Variants in SPNS3 observed in about 807,000 individuals in gnomAD.
The protein encoded by SPNS3 is SPNS lysolipid transporter 3, sphingosine-1-phosphate (putative), also known as protein spinster homolog 3.
In SPNS3, 51 loss-of-function variants were observed where a neutral mutation model predicts 54.4. That is an observed-to-expected ratio of 0.94 (90% confidence interval 0.75 to 1.18). The LOEUF (loss-of-function observed/expected upper bound fraction) is 1.18. Among genes scored for constraint, SPNS3 ranks in the 50% most tolerant of loss-of-function variants. The pLI is 0.00. For synonymous variants in SPNS3, 309 were observed against 294.7 expected (o/e 1.05, Z -0.50); for missense variants, 669 against 677.4 (o/e 0.99, Z 0.14).
At chr17:4,445,848 G>C (rs560798596) in intron 3 of SPNS3, among the ~76,000 whole-genome samples, 200 bp from the exon 4 acceptor site, 2 of 152,080 alleles carry the variant, frequency 1.3e-5, no homozygotes, top group Non-Finnish European at 2.9e-5. Context: ...CCCCTGGGCA[G>C]GGGGGCAGGT....
chr17:4,458,637 CTT>C (rs1437777981), intron 8 of SPNS3, among the ~76,000 whole-genome samples: 1 of 122,430 alleles, frequency 8.2e-6, no homozygotes, highest in African/African-American at 3.0e-5. Flanking sequence ...TTCTTTCTTT[CTT>C]TCTTTCTTTC....
At chr17:4,456,392 C>A (rs1253000002) in intron 8 of SPNS3, among the ~76,000 whole-genome samples, 2 of 152,242 alleles carry the variant, frequency 1.3e-5, no homozygotes, top group African/African-American at 2.4e-5. Context: ...CACTGCTCAT[C>A]CCTTGTTCTC....
intron 8 of SPNS3, among the ~76,000 whole-genome samples, chr17:4,457,772 GGCGCATCTCTAGA>G (rs1227975680): frequency 6.6e-6 from 1 of 152,164 alleles, no homozygotes; most frequent in East Asian, 1.9e-4. Context: ...CCTGCAGCCT[GGCGCATCTCTAGA>G]GCTGGTTGTC....
At chr17:4,444,903 A>G in intron 2 of SPNS3, 129 bp from the exon 3 acceptor site, 6 of 1,120,816 alleles carry the variant, frequency 5.4e-6, no homozygotes, top group Non-Finnish European at 7.7e-6. Context: ...TTTCTTCCTC[A>G]TACCCTGGGC....
chr17:4,449,211 C>T, intron 6 of SPNS3, 24 bp from the exon 7 acceptor site: 4 of 1,606,556 alleles, frequency 2.5e-6, no homozygotes, highest in Non-Finnish European at 3.4e-6. Flanking sequence ...CTCCCAACTC[C>T]AGCTGGGGCA....
chr17:4,481,884 CTCT>C (rs1567576824), intron 9 of SPNS3: 10 of 46,072 alleles, frequency 2.2e-4, no homozygotes, highest in African/African-American at 1.7e-3. Context: ...CTCTCTCTCT[CTCT>C]TTTTTTTTTT....
At chr17:4,466,760 G>T (rs565535845) in intron 8 of SPNS3, among the ~76,000 whole-genome samples, 1 of 152,020 alleles carries the variant, frequency 6.6e-6, no homozygotes, top group African/African-American at 2.4e-5. Flanking sequence ...CAGGAGAATC[G>T]CTGGAACATG....
At chr17:4,466,018 T>C (rs1306638965) in intron 8 of SPNS3, among the ~76,000 whole-genome samples, 1 of 152,212 alleles carries the variant, frequency 6.6e-6, no homozygotes, top group African/African-American at 2.4e-5. Context: ...CACCCCTGCT[T>C]GGCCTCATGG....
At chr17:4,481,235 C>T (rs1321254837) in intron 9 of SPNS3, among the ~76,000 whole-genome samples, 1 of 151,224 alleles carries the variant, frequency 6.6e-6, no homozygotes, top group Non-Finnish European at 1.5e-5. Context: ...AGAGAGGGGG[C>T]CATGTTTGAG....
intron 1 of SPNS3, among the ~76,000 whole-genome samples, chr17:4,435,947 CAAT>C (rs1204129683): frequency 2.0e-5 from 3 of 152,168 alleles, no homozygotes; most frequent in Non-Finnish European, 2.9e-5. Flanking sequence ...AAGACAACAA[CAAT>C]AACAACAGCT....
intron 8 of SPNS3, among the ~76,000 whole-genome samples, chr17:4,469,716 G>A (rs1213154765): frequency 6.6e-6 from 1 of 151,242 alleles, no homozygotes; most frequent in Admixed American, 6.6e-5. Context: ...GACCAAATGA[G>A]ATCACCAAGG....
chr17:4,445,062 CTG>C lies in SPNS3; in HGVS notation c.300_301del (p.Phe101TrpfsTer8). On this transcript the variant is annotated frameshift_variant, in exon 3 of 12. Coordinates refer to ENST00000355530, the MANE Select transcript of SPNS3 (RefSeq NM_182538.5). LOFTEE classifies it high-confidence loss of function. The stretch of plus-strand genomic sequence containing the variant: ...GTTAGCTGCCTGCTGCTGTCTGCAC[CTG>C]TGTTTGGCTACCTGGGCGACCGACA... 6.2e-7 allele frequency: 1 copy of C among 1,614,136 alleles called. No individual in the cohort carries two copies. Among genetic ancestry groups the C allele is most frequent in the Non-Finnish European group, 8.5e-7 (1 of 1,179,992 alleles).
At chr17:4,444,533 A>G (rs1037006168) in intron 2 of SPNS3, among the ~76,000 whole-genome samples, 2 of 151,938 alleles carry the variant, frequency 1.3e-5, no homozygotes, top group African/African-American at 4.8e-5. Flanking sequence ...CAGTGTGCTC[A>G]TTCTAAAGCG....
intron 8 of SPNS3, among the ~76,000 whole-genome samples, chr17:4,454,976 C>A (rs1222118975): frequency 6.6e-6 from 1 of 151,282 alleles, no homozygotes; most frequent in African/African-American, 2.4e-5. Context: ...TGCGGTGGCG[C>A]GATCTCAGCT....
chr17:4,453,068 G>A lies in SPNS3; in HGVS notation c.976G>A (p.Gly326Arg). The change falls in exon 8 of 12, where the codon GGG becomes AGG. Residue 326 changes from glycine to arginine, a missense_variant. Coordinates refer to ENST00000355530, the MANE Select transcript of SPNS3 (RefSeq NM_182538.5). Reference sequence around the variant, plus strand: ...GACCGGCGTCATTGGGGTCATCTTGGGGGCAGAAGCTGCGAGGAGGTACAA... The same window carrying A: ...GACCGGCGTCATTGGGGTCATCTTGAGGGCAGAAGCTGCGAGGAGGTACAA... ...IMTGVIGVIL[G>R]AEAARRYKKV... The A allele has an allele frequency of 6.2e-7, 1 of 1,614,050 alleles. No individual in the cohort carries two copies. Among genetic ancestry groups the A allele is most frequent in the Non-Finnish European group, 8.5e-7 (1 of 1,179,960 alleles).
At chr17:4,467,249 C>T (rs1971701914) in intron 8 of SPNS3, among the ~76,000 whole-genome samples, 1 of 152,026 alleles carries the variant, frequency 6.6e-6, no homozygotes, top group African/African-American at 2.4e-5. Context: ...AGCCACCAGA[C>T]TGTCCAGCGC....
At chr17:4,450,266 C>T (rs1971122679) in intron 7 of SPNS3, among the ~76,000 whole-genome samples, 2 of 151,666 alleles carry the variant, frequency 1.3e-5, no homozygotes, top group South Asian at 4.2e-4. Flanking sequence ...CCTTCCTCCT[C>T]TTTTCTCTCT....
In SPNS3 at chr17:4,446,044, C is replaced by G. The variant is rs769518580; in HGVS notation, c.403-4C>G. On this transcript the variant is annotated splice_polypyrimidine_tract_variant and splice_region_variant and intron_variant, in intron 3 of 11. Coordinates refer to ENST00000355530, the MANE Select transcript of SPNS3 (RefSeq NM_182538.5). ...TCACCGTGGTCTTGTGCCTGCTCGCCCAGTATTCTTGGCTCTTCTTCCTGT... is the reference window on the plus strand; with the variant it reads ...TCACCGTGGTCTTGTGCCTGCTCGCGCAGTATTCTTGGCTCTTCTTCCTGT... The G allele has an allele frequency of 1.9e-6, 3 of 1,601,450 alleles. No individual in the cohort carries two copies. The highest frequency in any genetic ancestry group is 2.6e-6 in the Non-Finnish European group (3 of 1,171,260).
At chr17:4,442,898 G>T (rs921535553) in intron 2 of SPNS3, among the ~76,000 whole-genome samples, 7 of 152,152 alleles carry the variant, frequency 4.6e-5, no homozygotes, top group Admixed American at 3.9e-4. Context: ...CTGTGTCACA[G>T]AAATGATTTG....
Sources: allele counts gnomAD v4.1 joint callset (sites outside exome capture counted in the v4.1 genomes callset), GRCh38; gene constraint gnomAD v4.1.1; transcripts MANE v1.5; gene names NCBI Gene and HGNC (gene_info 2026-07-23, HGNC 2026-07-21).